SMIM14: variants seen among roughly 807,000 people sequenced by gnomAD.
The protein encoded by SMIM14 is chromosome 4 open reading frame 34.
In SMIM14, 5 loss-of-function variants were observed where a neutral mutation model predicts 12.6. The observed-to-expected ratio is 0.40, with a 90% CI of 0.21 to 0.83. SMIM14 has a LOEUF of 0.83. SMIM14 is among the 40% of genes least tolerant of loss of function. The pLI is 0.37. For synonymous variants in SMIM14, 30 were observed against 40.1 expected (o/e 0.75, Z 0.95); for missense variants, 86 against 119.1 (o/e 0.72, Z 1.29).
chr4:39,619,108 G>GA (rs1715336402), intron 1 of SMIM14, among the ~76,000 whole-genome samples: 1 of 150,658 alleles, frequency 6.6e-6, no homozygotes, highest in Non-Finnish European at 1.5e-5. Flanking sequence ...CAGTTCAAGA[G>GA]AAAATTGAGA....
chr4:39,610,040 G>A (rs1047150697), intron 1 of SMIM14, among the ~76,000 whole-genome samples: 3 of 152,248 alleles, frequency 2.0e-5, no homozygotes, highest in African/African-American at 7.2e-5. Context: ...ACCCAGGTGG[G>A]AGTGCAGTGG....
intron 2 of SMIM14, among the ~76,000 whole-genome samples, chr4:39,595,927 T>C (rs1714341748): frequency 6.6e-6 from 1 of 151,940 alleles, no homozygotes; most frequent in African/African-American, 2.4e-5. Context: ...TAATTACTAA[T>C]TTTTGTATAT....
intron 1 of SMIM14, among the ~76,000 whole-genome samples, chr4:39,631,961 TAAG>T (rs1314923918): frequency 6.6e-6 from 1 of 150,708 alleles, no homozygotes; most frequent in African/African-American, 2.4e-5. Context: ...AAATAAGCAA[TAAG>T]AAGGTAACTT....
intron 1 of SMIM14, among the ~76,000 whole-genome samples, chr4:39,615,064 G>A (rs947540410): frequency 6.6e-6 from 1 of 152,078 alleles, no homozygotes; most frequent in Non-Finnish European, 1.5e-5. Context: ...AGAGACAGAG[G>A]GAGTTAAAAT....
chr4:39,627,996 T>C (rs1421303224), intron 1 of SMIM14, among the ~76,000 whole-genome samples: 3 of 152,142 alleles, frequency 2.0e-5, no homozygotes, highest in Admixed American at 6.5e-5. Context: ...TCCTGTGTCA[T>C]GGAGAGAAAA....
At chr4:39,565,812 G>A (rs75737092) in intron 3 of SMIM14, among the ~76,000 whole-genome samples, 341 of 152,144 alleles carry the variant, frequency 2.2e-3, no homozygotes, top group African/African-American at 7.7e-3. Context: ...CCTGGTGGGA[G>A]GTGATTGAAT....
Position 39,558,457 on chromosome 4 carries a change from G to A in SMIM14, c.125-1887C>T, listed in dbSNP as rs944457726. On this transcript the variant is annotated intron_variant, in intron 3 of 4. Transcript: ENST00000295958. This position sits in a 1 kb window ranked among gnomAD's most constrained non-coding sequence, Gnocchi z 4.3. The stretch of plus-strand genomic sequence containing the variant: ...GATAAGCAGCCAGTAAAGCAAACAA[G>A]CCTTTTTGTTCTTTGTACAATCAGT... Among the ~76,000 whole-genome samples the A allele has an allele frequency of 6.6e-5, 10 of 152,292 alleles. No individual in the cohort carries two copies. Among genetic ancestry groups the A allele is most frequent in the African/African-American group, 2.2e-4 (9 of 41,560 alleles).
chr4:39,616,691 A>G (rs896764077), intron 1 of SMIM14, among the ~76,000 whole-genome samples: 3 of 148,520 alleles, frequency 2.0e-5, no homozygotes, highest in African/African-American at 7.3e-5. Context: ...CAGGATTCTA[A>G]GGACCCAGAA....
intron 1 of SMIM14, among the ~76,000 whole-genome samples, chr4:39,618,451 A>T (rs892141219): frequency 1.5e-4 from 23 of 152,078 alleles, no homozygotes; most frequent in African/African-American, 5.6e-4. Flanking sequence ...GTTCAAGATC[A>T]GCCTGGCCAA....
At chr4:39,601,814 G>C (rs547373835) in intron 2 of SMIM14, among the ~76,000 whole-genome samples, 1 of 151,976 alleles carries the variant, frequency 6.6e-6, no homozygotes, top group African/African-American at 2.4e-5. Context: ...GGGCATGGTG[G>C]TGCATGCCTG....
intron 1 of SMIM14, among the ~76,000 whole-genome samples, chr4:39,613,072 CTT>C (rs1460177879): frequency 1.3e-5 from 2 of 152,102 alleles, no homozygotes; most frequent in African/African-American, 4.8e-5. Context: ...TTTAAAATCT[CTT>C]TTTAATTCAT....
chr4:39,622,461 C>T (rs1050178996), intron 1 of SMIM14, among the ~76,000 whole-genome samples: 4 of 152,146 alleles, frequency 2.6e-5, no homozygotes, highest in African/African-American at 9.7e-5. Flanking sequence ...AGTGCAGTGG[C>T]ACGGTCTCGG....
chr4:39,597,118 T>C (rs1285794127), intron 2 of SMIM14, among the ~76,000 whole-genome samples: 1 of 147,828 alleles, frequency 6.8e-6, no homozygotes, highest in African/African-American at 2.5e-5. Context: ...GCCTACTTCT[T>C]CTATCATTCT....
At chr4:39,587,727 G>C (rs1713858034) in intron 2 of SMIM14, among the ~76,000 whole-genome samples, 2 of 151,990 alleles carry the variant, frequency 1.3e-5, no homozygotes, top group Admixed American at 1.3e-4. Context: ...CCTCCATCCT[G>C]GGTGACAGAG....
At chr4:39,590,881 T>C (rs1714038421) in intron 2 of SMIM14, among the ~76,000 whole-genome samples, 1 of 152,050 alleles carries the variant, frequency 6.6e-6, no homozygotes. Context: ...TGTAACATGA[T>C]GAAGATACCC....
intron 2 of SMIM14, among the ~76,000 whole-genome samples, chr4:39,588,905 GTC>G (rs1333295809): frequency 9.2e-5 from 14 of 152,026 alleles, no homozygotes; most frequent in Non-Finnish European, 2.9e-5. Flanking sequence ...GCATAGAGAA[GTC>G]TCTCAAAGAA....
At chr4:39,571,485 T>C (rs1712883754) in intron 3 of SMIM14, among the ~76,000 whole-genome samples, 1 of 151,606 alleles carries the variant, frequency 6.6e-6, no homozygotes, top group African/African-American at 2.4e-5. Context: ...GAGGCTGAGG[T>C]GGGAGGATCA....
intron 3 of SMIM14, among the ~76,000 whole-genome samples, chr4:39,563,654 C>T (rs1382150579): frequency 6.6e-6 from 1 of 152,178 alleles, no homozygotes; most frequent in Non-Finnish European, 1.5e-5. Context: ...CATTTATTCA[C>T]CTATAACCTA....
chr4:39,588,830 T>C (rs933032751), intron 2 of SMIM14, among the ~76,000 whole-genome samples: 4 of 151,826 alleles, frequency 2.6e-5, no homozygotes, highest in South Asian at 2.1e-4. Flanking sequence ...AATAATTAAA[T>C]ATTTTAAAAA....
Sources: gnomAD v4.1 joint callset for allele counts (sites outside exome capture counted in the v4.1 genomes callset) on GRCh38, gnomAD v4.1.1 for gene constraint, Gnocchi (gnomAD v3.1) non-coding constraint, MANE v1.5 for transcripts, NCBI Gene and HGNC (gene_info 2026-07-23, HGNC 2026-07-21) for gene names.